CHD9: variants seen among roughly 807,000 people sequenced by gnomAD.
CHD9 encodes chromodomain helicase DNA binding protein 9, also known as ATP-dependent chromatin remodeler CHD9.
In CHD9, 77 loss-of-function variants were observed where a neutral mutation model predicts 316.1. That is an observed-to-expected ratio of 0.24 (90% confidence interval 0.20 to 0.29). CHD9 has a LOEUF of 0.29. Ranked by LOEUF, CHD9 falls within the 10% of genes least tolerant of loss-of-function variation. The probability of loss-of-function intolerance (pLI) is 1.00; values close to 1 mark genes in which losing one functional copy is unlikely to be tolerated. For synonymous variants in CHD9, 1,129 were observed against 1,158.3 expected (o/e 0.97, Z 0.51); for missense variants, 2,763 against 3,438.1 (o/e 0.80, Z 4.91).
At chr16:53,055,292 T>TC (rs993156656) in intron 1 of CHD9, among the ~76,000 whole-genome samples, 57 of 152,000 alleles carry the variant, frequency 3.8e-4, no homozygotes, top group African/African-American at 1.3e-3. Context: ...GCTCGCATCC[T>TC]CCCCAGCCCT....
At chr16:53,247,220 T>C (rs2049713530) in intron 15 of CHD9, 73 bp from the exon 16 acceptor site, 4 of 1,025,204 alleles carry the variant, frequency 3.9e-6, no homozygotes, top group Non-Finnish European at 5.8e-6. Context: ...GCACTAATTG[T>C]GATTAAAAGG....
At chr16:53,195,601 G>T (rs1477461232) in intron 2 of CHD9, among the ~76,000 whole-genome samples, 4 of 152,046 alleles carry the variant, frequency 2.6e-5, no homozygotes, top group Admixed American at 1.3e-4. Flanking sequence ...TAGAACTCCA[G>T]CAGCTTGTTT....
At chr16:53,223,172 G>T (rs1410899379) in intron 4 of CHD9, among the ~76,000 whole-genome samples, 1 of 151,346 alleles carries the variant, frequency 6.6e-6, no homozygotes, top group African/African-American at 2.4e-5. Flanking sequence ...AATTCCTTTG[G>T]TCTGTTTTTG....
chr16:53,179,304 G>C (rs1393117189), intron 2 of CHD9, among the ~76,000 whole-genome samples: 1 of 148,562 alleles, frequency 6.7e-6, no homozygotes, highest in Non-Finnish European at 1.5e-5. Flanking sequence ...TTTCCCAGTT[G>C]TTAGAACCAG....
At chr16:53,083,226 C>A (rs751016220) in intron 1 of CHD9, among the ~76,000 whole-genome samples, 1 of 152,152 alleles carries the variant, frequency 6.6e-6, no homozygotes, top group Non-Finnish European at 1.5e-5. Context: ...AGCTTTGGTG[C>A]ATAACTTGCA....
chr16:53,245,582 AT>A lies in CHD9; in HGVS notation c.3199-7del, dbSNP rs769385880. On this transcript the variant is annotated splice_polypyrimidine_tract_variant and intron_variant, in intron 14 of 38. Coordinates refer to ENST00000447540, the MANE Select transcript of CHD9 (RefSeq NM_001308319.2). The surrounding 1 kb of genome is among the most constrained non-coding windows in gnomAD (Gnocchi z 4.1). ...CACTTATGTTATATGTCTTTTTATC[AT>A]TTTTTATTCAGGTACAGAAACTTCA... The A allele has an allele frequency of 6.5e-7, 1 of 1,541,872 alleles. No homozygotes were observed. Among genetic ancestry groups the A allele is most frequent in the Non-Finnish European group, 8.7e-7 (1 of 1,148,898 alleles).
chr16:53,161,645 A>G (rs1352463009), intron 2 of CHD9, among the ~76,000 whole-genome samples: 1 of 152,250 alleles, frequency 6.6e-6, no homozygotes, highest in Non-Finnish European at 1.5e-5. Flanking sequence ...AAAACAAGAC[A>G]TTCTTTAACC....
chr16:53,077,797 A>G (rs1041191358), intron 1 of CHD9, among the ~76,000 whole-genome samples: 4 of 152,182 alleles, frequency 2.6e-5, no homozygotes, highest in Non-Finnish European at 4.4e-5. Context: ...AATGCGACCC[A>G]GTGCAGTGGC....
intron 2 of CHD9, among the ~76,000 whole-genome samples, chr16:53,178,762 C>T (rs2043270489): frequency 6.6e-6 from 1 of 152,108 alleles, no homozygotes; most frequent in African/African-American, 2.4e-5. Flanking sequence ...CTCACCTGGC[C>T]TTATTAAATA....
chr16:53,318,571 C>T (rs922178334), intron 37 of CHD9, among the ~76,000 whole-genome samples: 9 of 152,348 alleles, frequency 5.9e-5, no homozygotes, highest in Non-Finnish European at 1.3e-4. Context: ...TGTGCCTAAG[C>T]AGTGCCATTG....
intron 1 of CHD9, among the ~76,000 whole-genome samples, chr16:53,069,618 T>G (rs935066224): frequency 8.5e-5 from 13 of 152,222 alleles, no homozygotes; most frequent in Non-Finnish European, 1.5e-5. Context: ...TCTGCCACAG[T>G]GTGTTTATCC....
chr16:53,242,033 C>T (rs2049145837), intron 12 of CHD9, among the ~76,000 whole-genome samples: 1 of 152,184 alleles, frequency 6.6e-6, no homozygotes. Context: ...CAAAGATACT[C>T]TTACCTTAGG....
chr16:53,253,711 T>G (rs2050320778), intron 17 of CHD9, among the ~76,000 whole-genome samples: 1 of 152,094 alleles, frequency 6.6e-6, no homozygotes, highest in Non-Finnish European at 1.5e-5. Flanking sequence ...GTAATCCCAG[T>G]ACTTGGAGAG....
At chr16:53,084,700 G>A (rs535391439) in intron 1 of CHD9, among the ~76,000 whole-genome samples, 7 of 152,280 alleles carry the variant, frequency 4.6e-5, no homozygotes, top group East Asian at 1.9e-4. Context: ...CTGAGATCAC[G>A]CCACTGCACT....
chr16:53,245,288 A>G lies in CHD9; in HGVS notation c.3055-48A>G. 7.1e-7 allele frequency: 1 copy of G among 1,404,544 alleles called. No homozygotes were observed. The highest frequency in any genetic ancestry group is 9.4e-7 in the Non-Finnish European group (1 of 1,068,604). The allele number at this position is 1,404,544 out of a possible 1,614,324, so 87.0% of individuals were successfully genotyped here. A position where few individuals can be genotyped will look rare whatever the true frequency, so the allele number is the denominator to read the frequency against. On this transcript the variant is annotated intron_variant, in intron 13 of 38. Transcript: ENST00000447540. This position sits in a 1 kb window ranked among gnomAD's most constrained non-coding sequence, Gnocchi z 4.1. The stretch of plus-strand genomic sequence containing the variant: ...CGATAATCTAAGTCAGCTTTCATAT[A>G]ATTTTAGTACTGTGATGTTTGATGT...
At chr16:53,173,502 A>G (rs1024200221) in intron 2 of CHD9, among the ~76,000 whole-genome samples, 1 of 151,486 alleles carries the variant, frequency 6.6e-6, no homozygotes, top group Non-Finnish European at 1.5e-5. Flanking sequence ...GATTTATGCT[A>G]TCTTCATTAT....
chr16:53,228,537 G>GTTTTTTTTTTTTTT (rs758037912), intron 7 of CHD9, among the ~76,000 whole-genome samples: 1 of 105,062 alleles, frequency 9.5e-6, no homozygotes, highest in African/African-American at 3.7e-5. Flanking sequence ...CCATGAAAGT[G>GTTTTTTTTTTTTTT]TTTTTTTTTT....
At chr16:53,322,251 C>G (rs1373360380) in intron 38 of CHD9, among the ~76,000 whole-genome samples, 1 of 151,540 alleles carries the variant, frequency 6.6e-6, no homozygotes, top group African/African-American at 2.4e-5. Flanking sequence ...CCCACCTCAG[C>G]CTCCCAAAGT....
intron 2 of CHD9, among the ~76,000 whole-genome samples, chr16:53,194,168 A>G (rs1334461288): frequency 2.6e-5 from 4 of 151,910 alleles, no homozygotes; most frequent in Non-Finnish European, 5.9e-5. Flanking sequence ...TTCCAGTGAG[A>G]TGAGCTGTGA....
Sources: gnomAD v4.1 joint callset for allele counts (sites outside exome capture counted in the v4.1 genomes callset) on GRCh38, gnomAD v4.1.1 for gene constraint, Gnocchi (gnomAD v3.1) non-coding constraint, MANE v1.5 for transcripts, NCBI Gene and HGNC (gene_info 2026-07-23, HGNC 2026-07-21) for gene names.